Variants in HCN1 observed in about 807,000 individuals in gnomAD.
HCN1 encodes hyperpolarization activated cyclic nucleotide gated potassium channel 1.
A neutral mutation model predicts 78.9 loss-of-function variants in HCN1; 13 were observed. That is an observed-to-expected ratio of 0.16 (90% CI 0.11 to 0.26). The LOEUF is 0.26. HCN1 is among the 10% of genes least tolerant of loss of function. The pLI is 1.00. For missense variants in HCN1, 810 were observed against 1,154.3 expected, an observed-to-expected ratio of 0.70 and a Z score of 4.32; for synonymous variants, 552 against 455.5, an observed-to-expected ratio of 1.21 and a Z score of -2.70.
intron 1 of HCN1, among the ~76,000 whole-genome samples, chr5:45,671,727 T>C (rs999802933): frequency 5.9e-5 from 9 of 151,576 alleles, no homozygotes; most frequent in African/African-American, 1.9e-4. Flanking sequence ...CTATGTAAAG[T>C]GTTCCAATAT....
intron 5 of HCN1, among the ~76,000 whole-genome samples, chr5:45,328,282 T>C (rs1488798489): frequency 2.0e-5 from 3 of 151,502 alleles, no homozygotes; most frequent in Non-Finnish European, 4.4e-5. Context: ...CACAATTTCA[T>C]GAATAGAAGA....
intron 1 of HCN1, among the ~76,000 whole-genome samples, chr5:45,678,420 A>G (rs1580046260): frequency 6.6e-6 from 1 of 151,944 alleles, no homozygotes; most frequent in East Asian, 1.9e-4. Context: ...TATTATAATA[A>G]ACTCCAATTT....
At chr5:45,477,414 T>C (rs1165152694) in intron 2 of HCN1, among the ~76,000 whole-genome samples, 1 of 152,066 alleles carries the variant, frequency 6.6e-6, no homozygotes. Context: ...AAATAATAGA[T>C]AAAAGCCAGT....
intron 4 of HCN1, among the ~76,000 whole-genome samples, chr5:45,364,824 T>G (rs1252647711): frequency 6.6e-6 from 1 of 152,092 alleles, no homozygotes; most frequent in East Asian, 1.9e-4. Context: ...AAACTGAAAT[T>G]TTAGTATTTC....
chr5:45,675,172 G>C (rs531225193), intron 1 of HCN1, among the ~76,000 whole-genome samples: 1 of 151,658 alleles, frequency 6.6e-6, no homozygotes, highest in African/African-American at 2.4e-5. Context: ...TACAGATAAT[G>C]TGTAGAACCC....
At chr5:45,694,984 C>G (rs1411204065) in intron 1 of HCN1, 1 of 152,250 alleles carries the variant, frequency 6.6e-6, no homozygotes, top group Non-Finnish European at 1.5e-5. Context: ...CCCCCTCTCT[C>G]TGTTTCAGGA....
intron 3 of HCN1, among the ~76,000 whole-genome samples, chr5:45,409,644 T>C (rs1385155563): frequency 2.0e-5 from 3 of 151,940 alleles, no homozygotes; most frequent in African/African-American, 7.2e-5. Flanking sequence ...TACTACTGGG[T>C]TGGGGTTCCC....
chr5:45,271,799 C>T (rs1027336961), intron 6 of HCN1, among the ~76,000 whole-genome samples: 5 of 152,056 alleles, frequency 3.3e-5, no homozygotes, highest in South Asian at 4.1e-4. Flanking sequence ...TATTCCCCTA[C>T]GGAGCAACTA....
chr5:45,263,071 A>G (rs924297311), intron 7 of HCN1, among the ~76,000 whole-genome samples: 4 of 152,330 alleles, frequency 2.6e-5, no homozygotes, highest in African/African-American at 9.6e-5. Context: ...AGAAATGGAG[A>G]TATTTAACAT....
intron 2 of HCN1, among the ~76,000 whole-genome samples, chr5:45,540,854 C>T (rs1356239468): frequency 6.6e-6 from 1 of 151,850 alleles, no homozygotes; most frequent in Non-Finnish European, 1.5e-5. Context: ...GTGTATTTAC[C>T]TTTAAATTCT....
intron 2 of HCN1, chr5:45,574,645 A>G (rs1743902720): frequency 6.6e-6 from 1 of 152,190 alleles, no homozygotes; most frequent in African/African-American, 2.4e-5. Flanking sequence ...GAGCTTAGTG[A>G]CAAAGGCATG....
intron 3 of HCN1, among the ~76,000 whole-genome samples, chr5:45,417,953 T>C (rs1482972681): frequency 1.3e-5 from 2 of 151,798 alleles, no homozygotes; most frequent in East Asian, 1.9e-4. Flanking sequence ...TATACTGATA[T>C]ATATTTTTAC....
At chr5:45,533,334 A>T (rs2111807645) in intron 2 of HCN1, among the ~76,000 whole-genome samples, 1 of 152,326 alleles carries the variant, frequency 6.6e-6, no homozygotes, top group Middle Eastern at 3.4e-3. Flanking sequence ...CTAAAATCTT[A>T]GACTCCAAGT....
chr5:45,353,046 A>C, intron 5 of HCN1, 54 bp downstream of exon 5: 1 of 1,444,468 alleles, frequency 6.9e-7, no homozygotes, highest in South Asian at 1.1e-5. Context: ...CTCCATGAAG[A>C]GAGAAAATAA....
intron 5 of HCN1, among the ~76,000 whole-genome samples, chr5:45,318,912 C>T (rs375627064): frequency 6.6e-6 from 1 of 152,008 alleles, no homozygotes; most frequent in South Asian, 2.1e-4. Flanking sequence ...AGCAGGTCTT[C>T]TTGTTCTTGA....
chr5:45,375,786 A>C (rs183466925), intron 4 of HCN1, among the ~76,000 whole-genome samples: 1,382 of 82,176 alleles, frequency 0.017, 40 homozygotes, highest in African/African-American at 0.053. Context: ...TATATAATAT[A>C]ATATTTTATG....
At chr5:45,297,984 G>A (rs913782786) in intron 6 of HCN1, among the ~76,000 whole-genome samples, 1 of 150,846 alleles carries the variant, frequency 6.6e-6, no homozygotes, top group African/African-American at 2.4e-5. Flanking sequence ...AAGAACATCT[G>A]AAAAAAAAAC....
intron 2 of HCN1, among the ~76,000 whole-genome samples, chr5:45,569,469 T>C (rs935072302): frequency 6.6e-6 from 1 of 152,120 alleles, no homozygotes; most frequent in Admixed American, 6.6e-5. Context: ...TGTTTGATAT[T>C]TGAAACCTCA....
At chr5:45,460,211 G>T (rs1020778683) in intron 3 of HCN1, among the ~76,000 whole-genome samples, 2 of 152,060 alleles carry the variant, frequency 1.3e-5, no homozygotes, top group African/African-American at 4.8e-5. Context: ...AGGTGTTTAG[G>T]TCATGATTGC....
Sources: allele counts gnomAD v4.1 joint callset (sites outside exome capture counted in the v4.1 genomes callset), GRCh38; gene constraint gnomAD v4.1.1; transcripts MANE v1.5; gene names NCBI Gene and HGNC (gene_info 2026-07-23, HGNC 2026-07-21).